Variants in NRCAM observed in about 807,000 individuals in gnomAD.
The protein encoded by NRCAM is NgCAM-related cell adhesion molecule.
Under a neutral mutation model 156.5 loss-of-function variants are expected in NRCAM, and 83 were observed. That is an observed-to-expected ratio of 0.53 (90% confidence interval 0.44 to 0.64). The LOEUF (loss-of-function observed/expected upper bound fraction) is 0.64. Ranked by LOEUF, NRCAM falls within the 30% of genes least tolerant of loss-of-function variation. The pLI, the probability that NRCAM is intolerant of heterozygous loss-of-function variation, is 0.00. For synonymous variants in NRCAM, 538 were observed against 563.9 expected, an observed-to-expected ratio of 0.95 and a Z score of 0.65; for missense variants, 1,417 against 1,597.3, an observed-to-expected ratio of 0.89 and a Z score of 1.92.
rs1000606351 is a variant in NRCAM, at chr7:108,160,260, G to A, written c.3598+101C>T. 4.1e-6 allele frequency: 5 copies of A among 1,220,182 alleles called. No homozygotes were observed. The African/African-American group carries it at 4.6e-5, about 11-fold the overall frequency. 75.6% of individuals were successfully genotyped at this position (1,220,182 alleles called of 1,614,324 possible). ...AGAAAGTCCAAACTCATGGCTCTGG[G>A]AAGACAAAATATTACAATCTACATG... On this transcript the variant is annotated intron_variant, in intron 31 of 32. Transcript: ENST00000379028.
Position 108,180,405 on chromosome 7 carries a change from C to T in NRCAM, c.2669G>A (p.Ser890Asn). ...GTGACGTCTGTTTCTTTTAGATGAA[C>T]TCTGGGTCTTCCAATAGTAAATCTG... ...GYRIYYWKTQ[S>N]SSKRNRRHIE... The change falls in exon 25 of 33, where the codon AGT (serine) becomes AAT (asparagine). Residue 890 changes from serine (S) to asparagine (N), a missense_variant. This residue lies in a region of NRCAM where 1,238 missense variants were observed against 1,336.4 expected (regional missense o/e 0.93). Transcript: ENST00000379028. 3.7e-6 allele frequency: 6 copies of T among 1,614,138 alleles called. No individual in the cohort carries two copies. The highest frequency in any genetic ancestry group is 4.2e-6 in the Non-Finnish European group (5 of 1,179,980).
intron 2 of NRCAM, among the ~76,000 whole-genome samples, chr7:108,394,374 G>A (rs1036068485): frequency 6.6e-6 from 1 of 152,140 alleles, no homozygotes; most frequent in Non-Finnish European, 1.5e-5. Flanking sequence ...TGGATTCTGA[G>A]TTACAGATTA....
At chr7:108,316,374 A>G (rs1385177993) in intron 2 of NRCAM, among the ~76,000 whole-genome samples, 1 of 152,218 alleles carries the variant, frequency 6.6e-6, no homozygotes, top group Non-Finnish European at 1.5e-5. Flanking sequence ...AGCCAAATAC[A>G]TTTATTTTCC....
intron 3 of NRCAM, among the ~76,000 whole-genome samples, chr7:108,242,579 G>A (rs17134760): frequency 0.019 from 2,818 of 152,226 alleles, 77 homozygotes; most frequent in African/African-American, 0.059. Flanking sequence ...ATAAGCTTTA[G>A]GGAAGTTAAA....
chr7:108,249,072 C>G (rs190712965), intron 3 of NRCAM, among the ~76,000 whole-genome samples: 1 of 152,092 alleles, frequency 6.6e-6, no homozygotes, highest in African/African-American at 2.4e-5. Flanking sequence ...TTGTGCTCCC[C>G]GCAAACAAGG....
intron 2 of NRCAM, among the ~76,000 whole-genome samples, chr7:108,363,352 T>C (rs934191535): frequency 7.9e-5 from 12 of 152,100 alleles, no homozygotes; most frequent in African/African-American, 1.9e-4. Flanking sequence ...TAGTACGACG[T>C]TGGCTTCCTG....
chr7:108,230,036 C>T (rs2094108477), intron 8 of NRCAM, among the ~76,000 whole-genome samples: 1 of 152,084 alleles, frequency 6.6e-6, no homozygotes, highest in Admixed American at 6.6e-5. Context: ...TAGTAAAAGG[C>T]CTGACACTTG....
At chr7:108,386,691 CTGT>C (rs1285951215) in intron 2 of NRCAM, among the ~76,000 whole-genome samples, 1 of 152,108 alleles carries the variant, frequency 6.6e-6, no homozygotes, top group African/African-American at 2.4e-5. Flanking sequence ...GAAAGAAGAC[CTGT>C]TGTTATATGT....
chr7:108,370,948 G>T (rs1314380440), intron 2 of NRCAM, among the ~76,000 whole-genome samples: 1 of 152,040 alleles, frequency 6.6e-6, no homozygotes, highest in Non-Finnish European at 1.5e-5. Context: ...ATTTTTTAAT[G>T]TTCTGATGTT....
chr7:108,242,611 T>C (rs1024312306), intron 3 of NRCAM, among the ~76,000 whole-genome samples: 1 of 152,198 alleles, frequency 6.6e-6, no homozygotes, highest in Non-Finnish European at 1.5e-5. Context: ...CAAATAGCAT[T>C]GAAAACATGC....
At chr7:108,211,947 A>C (rs1490735209) in intron 11 of NRCAM, among the ~76,000 whole-genome samples, 2 of 152,214 alleles carry the variant, frequency 1.3e-5, no homozygotes, top group African/African-American at 4.8e-5. Flanking sequence ...AACCAGCACA[A>C]AAATAGAACA....
intron 1 of NRCAM, among the ~76,000 whole-genome samples, chr7:108,438,582 T>C (rs1563811810): frequency 6.6e-6 from 1 of 152,218 alleles, no homozygotes; most frequent in Non-Finnish European, 1.5e-5. Context: ...CCCCCTAAGA[T>C]TGGGAACAAC....
intron 2 of NRCAM, among the ~76,000 whole-genome samples, chr7:108,339,549 A>G (rs1183192640): frequency 6.6e-6 from 1 of 152,172 alleles, no homozygotes; most frequent in South Asian, 2.1e-4. Context: ...CTGAGCACAA[A>G]GGCAATGTTG....
chr7:108,192,331 C>T (rs2153450170), intron 17 of NRCAM, among the ~76,000 whole-genome samples: 1 of 152,234 alleles, frequency 6.6e-6, no homozygotes, highest in South Asian at 2.1e-4. Flanking sequence ...CTAGACTGTG[C>T]TCTCCTATGA....
At chr7:108,244,783 T>C (rs1340960235) in intron 3 of NRCAM, among the ~76,000 whole-genome samples, 3 of 152,350 alleles carry the variant, frequency 2.0e-5, no homozygotes, top group Non-Finnish European at 4.4e-5. Flanking sequence ...AACTAGAACC[T>C]GGACTAGTAC....
At chr7:108,404,791 G>A (rs2099802735) in intron 1 of NRCAM, among the ~76,000 whole-genome samples, 1 of 152,312 alleles carries the variant, frequency 6.6e-6, no homozygotes, top group African/African-American at 2.4e-5. Context: ...GGGGCAGAAA[G>A]TGATAAACAC....
At position 108,226,217 on chromosome 7, in the gene NRCAM, C is replaced by G; in HGVS notation, c.712G>C (p.Val238Leu). 6.3e-7 allele frequency: 1 copy of G among 1,590,262 alleles called. No homozygotes were observed. The highest frequency in any genetic ancestry group is 8.5e-7 in the Non-Finnish European group (1 of 1,172,470). Residue 238 changes from valine to leucine, a missense_variant, in exon 9 of 33, where the codon GTG becomes CTG. Val to Leu is a conservative substitution (Grantham distance 32, BLOSUM62 1). Around this residue, in one of 2 missense-constraint regions of NRCAM, gnomAD observed 1,238 missense variants for 1,336.4 expected, o/e 0.93. Coordinates refer to ENST00000379028, the MANE Select transcript of NRCAM (RefSeq NM_001037132.4). ...IQQKQPISVK[V>L]ISVDELNDTI... is the part of the protein sequence containing the mutation. Reference sequence around the variant, plus strand: ...GAAGCTGAACTCTTACCTGAAATCACCTTCACAGAAATAGGTTGCTTCTGC... The same window carrying G: ...GAAGCTGAACTCTTACCTGAAATCAGCTTCACAGAAATAGGTTGCTTCTGC...
intron 2 of NRCAM, among the ~76,000 whole-genome samples, chr7:108,340,852 G>A (rs1387205731): frequency 6.6e-6 from 1 of 152,170 alleles, no homozygotes; most frequent in Non-Finnish European, 1.5e-5. Flanking sequence ...CACTCAGTCA[G>A]CTACAGACAT....
At chr7:108,321,591 A>C (rs887377693) in intron 2 of NRCAM, among the ~76,000 whole-genome samples, 4 of 152,170 alleles carry the variant, frequency 2.6e-5, no homozygotes, top group Admixed American at 2.6e-4. Flanking sequence ...CAAAACATAC[A>C]AACCATACCA....
Sources: gnomAD v4.1 joint callset for allele counts (sites outside exome capture counted in the v4.1 genomes callset) on GRCh38, gnomAD v4.1.1 for gene constraint, gnomAD v4.1.1 regional missense constraint, MANE v1.5 for transcripts, NCBI Gene and HGNC (gene_info 2026-07-23, HGNC 2026-07-21) for gene names.